Variants in PPP4R4 observed in about 807,000 individuals in gnomAD.
PPP4R4 encodes the protein protein phosphatase 4 regulatory subunit 4.
PPP4R4 carries 70 observed loss-of-function variants against 121.8 expected under a neutral mutation model. The ratio of observed to expected loss-of-function variants is 0.57; its 90% CI spans 0.47 to 0.70. The LOEUF is 0.70. Among genes scored for constraint, PPP4R4 ranks in the 30% least tolerant of loss-of-function variants. The pLI is 0.00. For synonymous variants in PPP4R4, 348 were observed against 355.7 expected, an observed-to-expected ratio of 0.98 and a Z score of 0.24; for missense variants, 875 against 1,033.6, an observed-to-expected ratio of 0.85 and a Z score of 2.10.
At chr14:94,275,966 C>A (rs1472085700) in intron 24 of PPP4R4, among the ~76,000 whole-genome samples, 1 of 152,172 alleles carries the variant, frequency 6.6e-6, no homozygotes, top group Non-Finnish European at 1.5e-5. Context: ...AAGAGATTTA[C>A]AGACTGTACT....
In PPP4R4 at chr14:94,174,697, C is replaced by CT. The variant is rs997230274; in HGVS notation, c.117+116dup. On this transcript the variant is annotated intron_variant, in intron 1 of 24. Transcript: ENST00000304338. ...TCCCCTCCTCCGGGCCGCCGGGACC[C>CT]TCTCAGTCGGGCCGGCCCCTCCTCC... 1.9e-5 allele frequency: 28 copies of CT among 1,461,696 alleles called. No homozygotes were observed. In the African/African-American group the frequency reaches 4.0e-4, roughly 21 times the overall value. 90.5% of individuals were successfully genotyped at this position (1,461,696 alleles called of 1,614,324 possible). A position where few individuals can be genotyped will look rare whatever the true frequency, so the allele number is the denominator to read the frequency against.
chr14:94,229,868 A>G (rs1891918736), intron 3 of PPP4R4, among the ~76,000 whole-genome samples: 4 of 152,154 alleles, frequency 2.6e-5, no homozygotes, highest in Admixed American at 2.6e-4. Flanking sequence ...TCTCTCTCTC[A>G]TAGAGAAGTA....
chr14:94,238,758 A>G (rs1002142515), intron 8 of PPP4R4, among the ~76,000 whole-genome samples: 3 of 152,168 alleles, frequency 2.0e-5, no homozygotes, highest in Non-Finnish European at 2.9e-5. Context: ...ATTTACTTGG[A>G]TTACCAACAT....
chr14:94,235,149 C>T (rs1359808952), intron 7 of PPP4R4, among the ~76,000 whole-genome samples: 1 of 152,036 alleles, frequency 6.6e-6, no homozygotes, highest in Non-Finnish European at 1.5e-5. Flanking sequence ...GTACCTAATA[C>T]AATATAAATG....
chr14:94,185,243 C>CA (rs1328576492), intron 2 of PPP4R4, among the ~76,000 whole-genome samples: 3 of 152,180 alleles, frequency 2.0e-5, no homozygotes, highest in Admixed American at 2.0e-4. Context: ...GTGGCTTTCA[C>CA]ACTTGTAATC....
At chr14:94,275,261 A>G (rs1894571194) in intron 23 of PPP4R4, 113 bp from the exon 24 acceptor site, 1 of 1,221,028 alleles carries the variant, frequency 8.2e-7, no homozygotes, top group Admixed American at 2.0e-5. Context: ...TTATACCCTC[A>G]TAAAATTGAT....
intron 2 of PPP4R4, among the ~76,000 whole-genome samples, chr14:94,177,960 A>G (rs1049380396): frequency 6.6e-6 from 1 of 152,186 alleles, no homozygotes; most frequent in Admixed American, 6.5e-5. Flanking sequence ...CACAAGGGGA[A>G]CACTGGTTTG....
intron 2 of PPP4R4, among the ~76,000 whole-genome samples, chr14:94,186,634 A>G (rs1889301762): frequency 6.6e-6 from 1 of 152,220 alleles, no homozygotes; most frequent in African/African-American, 2.4e-5. Flanking sequence ...GCTGGACCAT[A>G]TAGTAAATAT....
At chr14:94,260,839 A>G (rs1380541616) in intron 19 of PPP4R4, among the ~76,000 whole-genome samples, 1 of 152,086 alleles carries the variant, frequency 6.6e-6, no homozygotes, top group East Asian at 1.9e-4. Context: ...CAGTTTATCA[A>G]TTCTTTCTTT....
In PPP4R4 at chr14:94,241,794, T is replaced by C; in HGVS notation, c.983T>C (p.Phe328Ser). The change falls in exon 10 of 25, where the codon TTC becomes TCC. Residue 328 changes from phenylalanine to serine, a missense_variant. Physicochemically the swap from Phe to Ser is radical, Grantham distance 155. Coordinates refer to ENST00000304338, the MANE Select transcript of PPP4R4 (RefSeq NM_058237.2). ...TTTTTTATATTTGTTTTAGGAATTT[T>C]CACTCCAGATCAGCACTTGAGATTT... ...GKLCHGLYGI[F>S]TPDQHLRFLE... is the part of the protein sequence containing the mutation. The C allele has an allele frequency of 6.4e-7, 1 of 1,554,182 alleles. No homozygotes were observed. Among genetic ancestry groups the C allele is most frequent in the Non-Finnish European group, 8.6e-7 (1 of 1,158,384 alleles).
chr14:94,190,037 C>T (rs900046104), intron 2 of PPP4R4, among the ~76,000 whole-genome samples: 3 of 137,822 alleles, frequency 2.2e-5, no homozygotes, highest in African/African-American at 7.6e-5. Context: ...AGGGATTTGG[C>T]TTGCTTTTAT....
chr14:94,179,252 A>G (rs1595442639), intron 2 of PPP4R4, among the ~76,000 whole-genome samples: 2 of 152,176 alleles, frequency 1.3e-5, no homozygotes, highest in East Asian at 3.8e-4. Context: ...GCCTTTGGGA[A>G]CCACTATTCT....
At chr14:94,202,741 G>T (rs1171292044) in intron 2 of PPP4R4, among the ~76,000 whole-genome samples, 11 of 152,204 alleles carry the variant, frequency 7.2e-5, no homozygotes, top group Admixed American at 3.9e-4. Flanking sequence ...CACTTTGGGA[G>T]GCTGAAGCAG....
intron 8 of PPP4R4, among the ~76,000 whole-genome samples, chr14:94,237,966 A>G (rs1417769985): frequency 1.3e-5 from 2 of 152,226 alleles, no homozygotes; most frequent in African/African-American, 4.8e-5. Flanking sequence ...GAAGTTCAAG[A>G]TCAGGCAGCC....
In PPP4R4 at chr14:94,246,389, C is replaced by A. The variant is rs1398688378; in HGVS notation, c.1461C>A (p.Leu487=). 1.9e-6 allele frequency: 3 copies of A among 1,611,072 alleles called. No homozygotes were observed. The South Asian group carries it at 3.3e-5, about 18-fold the overall frequency. Residue 487 remains leucine (L), a synonymous_variant, in exon 14 of 25, where the codon CTC becomes CTA. Coordinates refer to ENST00000304338, the MANE Select transcript of PPP4R4 (RefSeq NM_058237.2). ...LSSLPDLIPA[L]TAAEQRAAAS... Reference sequence around the variant, plus strand: ...CTCTGCCTGACTTGATTCCAGCACTCACAGCTGCTGAACAGCGAGCTGCAG... The same window carrying A: ...CTCTGCCTGACTTGATTCCAGCACTAACAGCTGCTGAACAGCGAGCTGCAG...
rs755643956 is a variant in PPP4R4, at chr14:94,230,758, T to G, written c.442+24T>G. The G allele has an allele frequency of 4.4e-6, 7 of 1,585,298 alleles. No individual in the cohort carries two copies. In the South Asian group the frequency reaches 6.8e-5, roughly 15 times the overall value. ...AGGTCAGGGGCCTGGCATGCTTAAT[T>G]ATATACTTGTTTATTGTTTTTTTGT... is the stretch of plus-strand genomic sequence containing the variant. On this transcript the variant is annotated intron_variant, in intron 4 of 24. Coordinates refer to ENST00000304338, the MANE Select transcript of PPP4R4 (RefSeq NM_058237.2).
At chr14:94,205,425 T>C (rs1219310379) in intron 2 of PPP4R4, among the ~76,000 whole-genome samples, 1 of 151,966 alleles carries the variant, frequency 6.6e-6, no homozygotes. Flanking sequence ...TCATGTCTTG[T>C]CTTGTTCTTT....
In PPP4R4 at chr14:94,244,621, T is replaced by G; in HGVS notation, c.1267-14T>G. 6.8e-7 allele frequency: 1 copy of G among 1,474,334 alleles called. No individual in the cohort carries two copies. The highest frequency in any genetic ancestry group is 9.2e-7 in the Non-Finnish European group (1 of 1,089,606). 91.3% of individuals were successfully genotyped at this position (1,474,334 alleles called of 1,614,324 possible). A position where few individuals can be genotyped will look rare whatever the true frequency, so the allele number is the denominator to read the frequency against. ...GTACTCTCAAATCTGAGAGACTTTA[T>G]TGCTATATTTTAGGTATCTAAGCTT... On this transcript the variant is annotated splice_polypyrimidine_tract_variant and intron_variant, in intron 11 of 24. Transcript: ENST00000304338.
In PPP4R4 at chr14:94,204,310, T is replaced by TTGC. The variant is rs200584910; in HGVS notation, c.192-4152_192-4150dup. ...ATTTTAAACACCTGTGGATATCTAG[T>TTGC]TGCTTCAGTGCCGTTTGATGAAAAG... On this transcript the variant is annotated intron_variant, in intron 2 of 24. Transcript: ENST00000304338. Among the ~76,000 whole-genome samples the TTGC allele has an allele frequency of 1.3e-3, 199 of 152,178 alleles. 3 individuals carry two copies. In the East Asian group the frequency reaches 0.034, roughly 26 times the overall value.
Sources: allele counts gnomAD v4.1 joint callset (sites outside exome capture counted in the v4.1 genomes callset), GRCh38; gene constraint gnomAD v4.1.1; transcripts MANE v1.5; gene names NCBI Gene and HGNC (gene_info 2026-07-23, HGNC 2026-07-21).